Variants in IMPG1 observed in about 807,000 individuals in gnomAD.
IMPG1 encodes interphotoreceptor matrix proteoglycan of 150 kDa.
A neutral mutation model predicts 92.0 loss-of-function variants in IMPG1; 85 were observed. The ratio of observed to expected loss-of-function variants is 0.92; its 90% CI spans 0.78 to 1.11. The LOEUF is 1.11. Among genes scored for constraint, IMPG1 ranks in the 50% least tolerant of loss-of-function variants. IMPG1 has a pLI of 0.00. For missense variants in IMPG1, 1,022 were observed against 956.0 expected (o/e 1.07, Z -0.91); for synonymous variants, 367 against 334.1 (o/e 1.10, Z -1.08).
At position 76,020,115 on chromosome 6, in the gene IMPG1, C is replaced by T. The variant is rs147690503; in HGVS notation, c.667-1257G>A. Among the ~76,000 whole-genome samples, 639 of 152,162 alleles carry T rather than the reference C, an allele frequency of 4.2e-3. 7 individuals are homozygous for T. Among genetic ancestry groups the T allele is most frequent in the Non-Finnish European group, 5.2e-3 (351 of 67,994 alleles). On this transcript the variant is annotated intron_variant, in intron 6 of 16. Coordinates refer to ENST00000369950, the MANE Select transcript of IMPG1 (RefSeq NM_001563.4). ...TGTCACCCAGGCTGGAGTGCAATGGCGATCACAACTCACTGCAGCCTCAAC... is the reference window on the plus strand; with the variant it reads ...TGTCACCCAGGCTGGAGTGCAATGGTGATCACAACTCACTGCAGCCTCAAC...
At chr6:76,005,802 A>C (rs1457052518) in intron 9 of IMPG1, among the ~76,000 whole-genome samples, 1 of 151,980 alleles carries the variant, frequency 6.6e-6, no homozygotes, top group African/African-American at 2.4e-5. Context: ...TCAAGTGACC[A>C]TAGATTTTTA....
intron 12 of IMPG1, among the ~76,000 whole-genome samples, chr6:75,967,831 A>G (rs894954544): frequency 6.6e-6 from 1 of 152,218 alleles, no homozygotes; most frequent in African/African-American, 2.4e-5. Flanking sequence ...GAGTGGTTCA[A>G]GAATTTGATA....
At chr6:76,039,231 C>A (rs1783793470) in intron 2 of IMPG1, among the ~76,000 whole-genome samples, 1 of 152,164 alleles carries the variant, frequency 6.6e-6, no homozygotes, top group South Asian at 2.1e-4. Context: ...TTCTGCATTT[C>A]TAACAAGTTT....
intron 1 of IMPG1, among the ~76,000 whole-genome samples, chr6:76,042,687 T>C (rs1783866791): frequency 6.6e-6 from 1 of 152,094 alleles, no homozygotes; most frequent in African/African-American, 2.4e-5. Context: ...GCATTTATAG[T>C]ACAAGCTTTG....
intron 4 of IMPG1, among the ~76,000 whole-genome samples, chr6:76,029,061 C>T (rs1473977143): frequency 6.6e-6 from 1 of 152,218 alleles, no homozygotes; most frequent in Non-Finnish European, 1.5e-5. Context: ...TTTAAGGAGT[C>T]AATCTCAACT....
intron 1 of IMPG1, among the ~76,000 whole-genome samples, chr6:76,059,892 T>C (rs952026537): frequency 6.6e-6 from 1 of 152,216 alleles, no homozygotes; most frequent in African/African-American, 2.4e-5. Flanking sequence ...AATAGTGTCA[T>C]AGTATTTCAT....
intron 12 of IMPG1, among the ~76,000 whole-genome samples, chr6:75,999,112 C>T (rs1310157584): frequency 6.6e-6 from 1 of 151,886 alleles, no homozygotes; most frequent in Non-Finnish European, 1.5e-5. Context: ...CTGCCTCGGC[C>T]TCCCAAAGTG....
chr6:76,068,765 C>T (rs1316882816), intron 1 of IMPG1, among the ~76,000 whole-genome samples: 1 of 152,006 alleles, frequency 6.6e-6, no homozygotes, highest in Non-Finnish European at 1.5e-5. Flanking sequence ...GATCCGCCCA[C>T]CTCAGCCTCC....
chr6:75,979,377 G>C (rs1422866182), intron 12 of IMPG1, among the ~76,000 whole-genome samples: 1 of 152,116 alleles, frequency 6.6e-6, no homozygotes, highest in African/African-American at 2.4e-5. Context: ...TGTGGAGAGG[G>C]GACATCCAAT....
In IMPG1 at chr6:75,973,660, C is replaced by T. The variant is rs549729558; in HGVS notation, c.1292-22566G>A. On this transcript the variant is annotated intron_variant, in intron 12 of 16. Coordinates refer to ENST00000369950, the MANE Select transcript of IMPG1 (RefSeq NM_001563.4). ...ATAAGTTGTTGGGCTGGGGTTTGAA[C>T]ACAAATCAGGGCACACAATCAGACT... 3.6e-4 allele frequency among the ~76,000 whole-genome samples: 55 copies of T among 152,314 alleles called. No individual in the cohort carries two copies. In the Middle Eastern group the frequency reaches 0.014, roughly 38 times the overall value.
chr6:75,984,217 T>C (rs1049783269), intron 12 of IMPG1, among the ~76,000 whole-genome samples: 7 of 152,254 alleles, frequency 4.6e-5, no homozygotes, highest in Admixed American at 1.3e-4. Context: ...CACTAGTGGG[T>C]ATATATACAA....
chr6:76,013,032 C>A (rs1783217458), intron 7 of IMPG1, among the ~76,000 whole-genome samples: 1 of 152,064 alleles, frequency 6.6e-6, no homozygotes, highest in Non-Finnish European at 1.5e-5. Flanking sequence ...TCTGGCATAC[C>A]CTCCCTATCC....
chr6:76,042,189 T>C, intron 1 of IMPG1, 63 bp from the exon 2 acceptor site: 1 of 863,352 alleles, frequency 1.2e-6, no homozygotes, highest in Non-Finnish European at 1.9e-6. Context: ...GTGACATATA[T>C]GGATAAATGA....
At chr6:75,934,764 C>T (rs1781715393) in intron 14 of IMPG1, among the ~76,000 whole-genome samples, 1 of 152,086 alleles carries the variant, frequency 6.6e-6, no homozygotes, top group Non-Finnish European at 1.5e-5. Flanking sequence ...CCTTTTTCTC[C>T]AACTCAAGAT....
At chr6:76,058,009 G>A (rs113524458) in intron 1 of IMPG1, among the ~76,000 whole-genome samples, 3 of 151,992 alleles carry the variant, frequency 2.0e-5, no homozygotes, top group South Asian at 2.1e-4. Flanking sequence ...AAATAAAATA[G>A]GGTTGTGGTT....
chr6:75,996,036 G>C (rs1193031177), intron 12 of IMPG1, among the ~76,000 whole-genome samples: 3 of 152,192 alleles, frequency 2.0e-5, no homozygotes, highest in African/African-American at 7.2e-5. Context: ...TGGTAATTAA[G>C]GTAATTCATT....
At chr6:76,005,858 A>G (rs1335581041) in intron 9 of IMPG1, among the ~76,000 whole-genome samples, 1 of 148,132 alleles carries the variant, frequency 6.8e-6, no homozygotes, top group Non-Finnish European at 1.5e-5. Flanking sequence ...TTTTTTTGCG[A>G]CAGGGTCTCA....
chr6:76,072,610 C>T lies in IMPG1; in HGVS notation c.-122G>A. The T allele has an allele frequency of 1.7e-6, 1 of 588,024 alleles. No individual in the cohort carries two copies. Among genetic ancestry groups the T allele is most frequent in the Non-Finnish European group, 3.0e-6 (1 of 338,614 alleles). The allele number at this position is 588,024 out of a possible 1,614,324, so 36.4% of individuals were successfully genotyped here. On this transcript the variant is annotated 5_prime_UTR_variant, in exon 1 of 17. Transcript: ENST00000369950. Reference sequence around the variant, plus strand: ...ATACCAGATGATTGAGGATAACCTTCTTGGTTTACCTTTATGAGGGTGTTA... The same window carrying T: ...ATACCAGATGATTGAGGATAACCTTTTTGGTTTACCTTTATGAGGGTGTTA...
Position 76,058,107 on chromosome 6 carries a change from A to T in IMPG1, c.67+14315T>A, listed in dbSNP as rs146888636. ...TTTGGACATTAACCCTTTACAAGAT[A>T]CATGGTTTGCAAATATTTTCTCCCA... On this transcript the variant is annotated intron_variant, in intron 1 of 16. Transcript: ENST00000369950. 4.3e-4 allele frequency among the ~76,000 whole-genome samples: 66 copies of T among 152,280 alleles called. No individual in the cohort carries two copies. In the East Asian group the frequency reaches 8.5e-3, roughly 20 times the overall value.
Sources: gnomAD v4.1 joint callset for allele counts (sites outside exome capture counted in the v4.1 genomes callset) on GRCh38, gnomAD v4.1.1 for gene constraint, MANE v1.5 for transcripts, NCBI Gene and HGNC (gene_info 2026-07-23, HGNC 2026-07-21) for gene names.